Variants in SRP68 observed in about 807,000 individuals in gnomAD.
The protein encoded by SRP68 is signal recognition particle 68, also known as signal recognition particle subunit SRP68.
Under a neutral mutation model 82.2 loss-of-function variants are expected in SRP68, and 15 were observed. The observed-to-expected ratio is 0.18, with a 90% CI of 0.12 to 0.28. The LOEUF (loss-of-function observed/expected upper bound fraction) is 0.28. Ranked by LOEUF, SRP68 falls within the 10% of genes least tolerant of loss-of-function variation. The pLI is 1.00. For missense variants in SRP68, 595 were observed against 780.5 expected (o/e 0.76, Z 2.83); for synonymous variants, 261 against 292.6 (o/e 0.89, Z 1.10).
Position 76,064,148 on chromosome 17 carries a change from T to A in SRP68, c.389A>T (p.Asp130Val), listed in dbSNP as rs1185994319. 2 of 1,614,084 alleles carry A rather than the reference T, an allele frequency of 1.2e-6. No individual in the cohort carries two copies. The highest frequency in any genetic ancestry group is 1.7e-6 in the Non-Finnish European group (2 of 1,180,030). Reference sequence around the variant, plus strand: ...GGCGTAGCTCCAGGCTCTTTCAGCATCCATCAGAACCAGAAGCAAGTATCT... The same window carrying A: ...GGCGTAGCTCCAGGCTCTTTCAGCAACCATCAGAACCAGAAGCAAGTATCT... ...DNRYLLLVLMDAERAWSYAMQ... is the reference protein window; with the variant it reads ...DNRYLLLVLMVAERAWSYAMQ... The change falls in exon 4 of 16, where the codon GAT (aspartate) becomes GTT (valine). Residue 130 changes from aspartate to valine, a missense_variant. Coordinates refer to ENST00000307877, the MANE Select transcript of SRP68 (RefSeq NM_014230.4).
Position 76,062,622 on chromosome 17 carries a change from A to T in SRP68, c.562-1048T>A, listed in dbSNP as rs561066435. Reference sequence around the variant, plus strand: ...TACATTATATATTATATAATATATAATATACATTATATATTATATAATATA... The same window carrying T: ...TACATTATATATTATATAATATATATTATACATTATATATTATATAATATA... On this transcript the variant is annotated intron_variant, in intron 4 of 15. Transcript: ENST00000307877. 7.0e-3 allele frequency among the ~76,000 whole-genome samples: 476 copies of T among 67,830 alleles called. 42 individuals carry two copies. Among genetic ancestry groups the T allele is most frequent in the East Asian group, 0.039 (89 of 2,294 alleles). The allele number at this position is 67,830 out of a possible 152,430, so 44.5% of individuals were successfully genotyped here.
At chr17:76,047,317 C>T (rs994961908) in intron 10 of SRP68, among the ~76,000 whole-genome samples, 1 of 152,110 alleles carries the variant, frequency 6.6e-6, no homozygotes, top group African/African-American at 2.4e-5. Context: ...ATCCATTTGC[C>T]TCAGCCTCCC....
intron 2 of SRP68, 112 bp from the exon 3 acceptor site, chr17:76,067,442 G>A (rs4789241): frequency 0.45 from 326,990 of 734,384 alleles, 79,873 homozygotes; most frequent in African/African-American, 0.86. Context: ...TATACTTATG[G>A]TTACTAGAAT....
At chr17:76,055,718 C>T (rs2066708590) in intron 8 of SRP68, among the ~76,000 whole-genome samples, 1 of 149,710 alleles carries the variant, frequency 6.7e-6, no homozygotes. Context: ...TGCACCGCTG[C>T]ACTCCAGCCT....
At chr17:76,045,677 T>C (rs2066624969) in intron 11 of SRP68, among the ~76,000 whole-genome samples, 1 of 152,174 alleles carries the variant, frequency 6.6e-6, no homozygotes, top group Non-Finnish European at 1.5e-5. Flanking sequence ...TGAGCTTTTA[T>C]TTTGCTTAGC....
At chr17:76,062,909 T>G (rs2066778656) in intron 4 of SRP68, among the ~76,000 whole-genome samples, 1 of 148,306 alleles carries the variant, frequency 6.7e-6, no homozygotes, top group Admixed American at 7.0e-5. Context: ...TAGCTGGGAC[T>G]ACAGGTGTCC....
chr17:76,050,283 C>T (rs1447259086), intron 9 of SRP68, 145 bp downstream of exon 9: 1 of 597,408 alleles, frequency 1.7e-6, no homozygotes, highest in Non-Finnish European at 3.0e-6. Context: ...TGTTTGCTCC[C>T]TTACGACCTC....
At chr17:76,050,229 GA>G (rs575023559) in intron 9 of SRP68, among the ~76,000 whole-genome samples, 198 bp downstream of exon 9, 174 of 152,316 alleles carry the variant, frequency 1.1e-3, no homozygotes, top group Middle Eastern at 3.4e-3. Context: ...AGGAACAGGG[GA>G]GGGAGAAATT....
intron 4 of SRP68, among the ~76,000 whole-genome samples, chr17:76,062,877 T>C (rs1207964450): frequency 6.9e-6 from 1 of 145,426 alleles, no homozygotes; most frequent in Non-Finnish European, 1.5e-5. Flanking sequence ...TTCACACCAT[T>C]CTCCTGCCTC....
At chr17:76,061,447 A>G (rs1346470616) in intron 5 of SRP68, 45 bp downstream of exon 5, 1 of 1,530,110 alleles carries the variant, frequency 6.5e-7, no homozygotes, top group East Asian at 2.3e-5. Flanking sequence ...AAATTTGACA[A>G]TCTGTAATTA....
chr17:76,059,901 G>A (rs1174663726), intron 7 of SRP68, among the ~76,000 whole-genome samples: 2 of 151,518 alleles, frequency 1.3e-5, no homozygotes, highest in South Asian at 2.1e-4. Flanking sequence ...TGAGGCGGGC[G>A]GATCTCGAGG....
At chr17:76,063,102 T>A (rs2066781821) in intron 4 of SRP68, among the ~76,000 whole-genome samples, 1 of 152,004 alleles carries the variant, frequency 6.6e-6, no homozygotes, top group African/African-American at 2.4e-5. Context: ...ACAGGTTGAT[T>A]TTTAAAGAGA....
At chr17:76,059,050 A>G (rs1290061826) in intron 7 of SRP68, among the ~76,000 whole-genome samples, 4 of 152,162 alleles carry the variant, frequency 2.6e-5, no homozygotes, top group Non-Finnish European at 4.4e-5. Context: ...GAATGAGACC[A>G]GCCTGGGAAA....
At chr17:76,059,853 C>T (rs571312834) in intron 7 of SRP68, among the ~76,000 whole-genome samples, 257 of 150,110 alleles carry the variant, frequency 1.7e-3, no homozygotes, top group Non-Finnish European at 3.2e-3. Context: ...GGGCCGGGCG[C>T]GGTGGCTCAT....
At chr17:76,046,599 G>C (rs2066633908) in intron 10 of SRP68, among the ~76,000 whole-genome samples, 1 of 151,508 alleles carries the variant, frequency 6.6e-6, no homozygotes. Context: ...CCGAGTAATA[G>C]AGCAAAACCT....
rs573156513 is a variant in SRP68, at chr17:76,057,672, C to T, written c.838-129G>A. The T allele has an allele frequency of 7.7e-5, 80 of 1,040,238 alleles. 1 individual carries two copies. In the South Asian group the frequency reaches 1.1e-3, roughly 14 times the overall value. 64.4% of individuals were successfully genotyped at this position (1,040,238 alleles called of 1,614,324 possible). On this transcript the variant is annotated intron_variant, in intron 7 of 15. Coordinates refer to ENST00000307877, the MANE Select transcript of SRP68 (RefSeq NM_014230.4). The stretch of plus-strand genomic sequence containing the variant: ...TATACTCCATAGAAAGTAGAGTATA[C>T]ACCAATTTCTTTCATTTTTTTTGAG...
intron 1 of SRP68, among the ~76,000 whole-genome samples, chr17:76,070,880 A>T (rs62090092): frequency 6.6e-6 from 1 of 151,054 alleles, no homozygotes; most frequent in Admixed American, 6.6e-5. Flanking sequence ...ACACACACAC[A>T]AATTTGTGAA....
intron 7 of SRP68, among the ~76,000 whole-genome samples, chr17:76,057,903 G>C (rs1177744773): frequency 6.6e-6 from 1 of 152,046 alleles, no homozygotes; most frequent in African/African-American, 2.4e-5. Flanking sequence ...TCAAACTCCT[G>C]GCCTCAAGTG....
In SRP68 at chr17:76,039,166, C is replaced by G; in HGVS notation, c.*540G>C. 3.0e-6 allele frequency: 1 copy of G among 335,372 alleles called. No homozygotes were observed. The highest frequency in any genetic ancestry group is 2.4e-5 in the South Asian group (1 of 42,240). 20.8% of individuals were successfully genotyped at this position (335,372 alleles called of 1,614,324 possible). A position where few individuals can be genotyped will look rare whatever the true frequency, so the allele number is the denominator to read the frequency against. On this transcript the variant is annotated 3_prime_UTR_variant, in exon 16 of 16. Coordinates refer to ENST00000307877, the MANE Select transcript of SRP68 (RefSeq NM_014230.4). The stretch of plus-strand genomic sequence containing the variant: ...CATCATTTCTGAGTGTAACATATTT[C>G]TTCTAAAAATAGAGCTCTCTGCTTG...
Sources: gnomAD v4.1 joint callset for allele counts (sites outside exome capture counted in the v4.1 genomes callset) on GRCh38, gnomAD v4.1.1 for gene constraint, MANE v1.5 for transcripts, NCBI Gene and HGNC (gene_info 2026-07-23, HGNC 2026-07-21) for gene names.